Variants in SH3GL1 observed in about 807,000 individuals in gnomAD.
SH3GL1 encodes the protein endophilin-A2.
SH3GL1 carries 21 observed loss-of-function variants against 48.8 expected under a neutral mutation model. The observed-to-expected ratio is 0.43, with a 90% CI of 0.30 to 0.62. The LOEUF is 0.62. SH3GL1 is among the 20% of genes least tolerant of loss of function. The pLI, the probability that SH3GL1 is intolerant of heterozygous loss-of-function variation, is 0.11. For missense variants in SH3GL1, 454 were observed against 503.0 expected (o/e 0.90, Z 0.93); for synonymous variants, 282 against 217.5 (o/e 1.30, Z -2.61).
In SH3GL1 at chr19:4,367,318, G is replaced by T. The variant is rs185297316; in HGVS notation, c.46-324C>A. Reference sequence around the variant, plus strand: ...GGTGGAGTCCAGAGCCTCAGCCTGAGAACACATGGCTCAGAAGACACTGCT... The same window carrying T: ...GGTGGAGTCCAGAGCCTCAGCCTGATAACACATGGCTCAGAAGACACTGCT... On this transcript the variant is annotated intron_variant, in intron 1 of 9. Transcript: ENST00000269886. This position sits in a 1 kb window ranked among gnomAD's most constrained non-coding sequence, Gnocchi z 4.2. Among the ~76,000 whole-genome samples, 4 of 152,270 alleles carry T rather than the reference G, an allele frequency of 2.6e-5. No individual in the cohort carries two copies. Among genetic ancestry groups the T allele is most frequent in the African/African-American group, 9.6e-5 (4 of 41,562 alleles).
At chr19:4,372,952 T>C (rs1468622942) in intron 1 of SH3GL1, among the ~76,000 whole-genome samples, 1 of 152,236 alleles carries the variant, frequency 6.6e-6, no homozygotes, top group Non-Finnish European at 1.5e-5. Context: ...GGGGCGGCGC[T>C]GGCTGCAGGC....
intron 4 of SH3GL1, 85 bp from the exon 5 acceptor site, chr19:4,364,306 G>A: frequency 1.3e-6 from 2 of 1,552,406 alleles, no homozygotes; most frequent in Admixed American, 1.7e-5. Flanking sequence ...TTTTGAAATA[G>A]CGTTTCACAG....
At chr19:4,361,882 C>A (rs570970521) in intron 9 of SH3GL1, 86 bp from the exon 10 acceptor site, 109 of 1,004,762 alleles carry the variant, frequency 1.1e-4, no homozygotes, top group Non-Finnish European at 1.5e-4. Context: ...TGACCTGGAG[C>A]GTGTGGGTGG....
intron 4 of SH3GL1, 96 bp from the exon 5 acceptor site, chr19:4,364,317 G>A (rs1972712143): frequency 6.7e-7 from 1 of 1,496,308 alleles, no homozygotes; most frequent in Admixed American, 1.7e-5. Context: ...CGTTTCACAG[G>A]CTGGAACGCA....
At chr19:4,366,892 C>T (rs1972793102) in intron 2 of SH3GL1, 34 bp downstream of exon 2, 2 of 1,602,754 alleles carry the variant, frequency 1.2e-6, no homozygotes, top group African/African-American at 1.3e-5. Flanking sequence ...CCAGCAGTGC[C>T]ACCACCACAC....
At chr19:4,388,897 C>A (rs1411688158) in intron 1 of SH3GL1, among the ~76,000 whole-genome samples, 2 of 152,186 alleles carry the variant, frequency 1.3e-5, no homozygotes, top group Non-Finnish European at 2.9e-5. Flanking sequence ...TGGACACACA[C>A]CCTAAACCAC....
intron 4 of SH3GL1, among the ~76,000 whole-genome samples, 183 bp downstream of exon 4, chr19:4,365,299 C>T (rs1972749548): frequency 6.6e-6 from 1 of 152,138 alleles, no homozygotes; most frequent in South Asian, 2.1e-4. Context: ...GGGGCCCTAT[C>T]AGCTGCTGGC....
chr19:4,364,500 A>C (rs1174216327), intron 4 of SH3GL1: 10 of 434,534 alleles, frequency 2.3e-5, no homozygotes, highest in South Asian at 9.0e-5. Flanking sequence ...GCATGATCTC[A>C]GCTCACTGCA....
Position 4,389,375 on chromosome 19 carries a change from G to A in SH3GL1, c.45+10949C>T, listed in dbSNP as rs937874721. On this transcript the variant is annotated intron_variant, in intron 1 of 9. Transcript: ENST00000269886. This position sits in a 1 kb window ranked among gnomAD's most constrained non-coding sequence, Gnocchi z 4.5. ...GCCAAGGATAAGGGGAGATAGAAAC[G>A]CGTTCGTTATAGGGCAGACAGGAAG... 2.6e-5 allele frequency among the ~76,000 whole-genome samples: 4 copies of A among 152,130 alleles called. No homozygotes were observed. Among genetic ancestry groups the A allele is most frequent in the African/African-American group, 2.4e-5 (1 of 41,434 alleles).
At chr19:4,378,630 G>A (rs371670382) in intron 1 of SH3GL1, among the ~76,000 whole-genome samples, 3 of 152,108 alleles carry the variant, frequency 2.0e-5, no homozygotes, top group Non-Finnish European at 4.4e-5. Flanking sequence ...CAGCAGAATC[G>A]CTTGAACCCG....
chr19:4,368,989 G>A (rs1972840409), intron 1 of SH3GL1, among the ~76,000 whole-genome samples: 1 of 152,132 alleles, frequency 6.6e-6, no homozygotes, highest in Non-Finnish European at 1.5e-5. Flanking sequence ...GGAGAATGGT[G>A]TGAACCCGGG....
At chr19:4,363,919 G>A in intron 5 of SH3GL1, 41 bp from the exon 6 acceptor site, 3 of 1,611,120 alleles carry the variant, frequency 1.9e-6, no homozygotes, top group African/African-American at 2.7e-5. Context: ...GTAGCGGCCA[G>A]AGGGCCGCCC....
At chr19:4,374,063 G>A (rs980810520) in intron 1 of SH3GL1, among the ~76,000 whole-genome samples, 9 of 152,240 alleles carry the variant, frequency 5.9e-5, no homozygotes, top group Non-Finnish European at 7.3e-5. Context: ...TGTTGTGTGC[G>A]CGGCAGCGAG....
intron 1 of SH3GL1, among the ~76,000 whole-genome samples, chr19:4,379,385 C>A (rs533952946): frequency 6.6e-6 from 1 of 150,714 alleles, no homozygotes; most frequent in Non-Finnish European, 1.5e-5. Flanking sequence ...AAGATCACAC[C>A]ACTGCACTCC....
At position 4,389,377 on chromosome 19, in the gene SH3GL1, G is replaced by A. The variant is rs143766088; in HGVS notation, c.45+10947C>T. ...CAAGGATAAGGGGAGATAGAAACGC[G>A]TTCGTTATAGGGCAGACAGGAAGTG... On this transcript the variant is annotated intron_variant, in intron 1 of 9. Coordinates refer to ENST00000269886, the MANE Select transcript of SH3GL1 (RefSeq NM_003025.4). The surrounding 1 kb of genome is among the most constrained non-coding windows in gnomAD (Gnocchi z 4.5). 1.2e-3 allele frequency among the ~76,000 whole-genome samples: 185 copies of A among 152,010 alleles called. No individual in the cohort carries two copies. Among genetic ancestry groups the A allele is most frequent in the Non-Finnish European group, 2.1e-3 (146 of 67,946 alleles).
chr19:4,363,653 T>C (rs925078270), intron 6 of SH3GL1, 67 bp downstream of exon 6: 22 of 1,595,246 alleles, frequency 1.4e-5, no homozygotes, highest in Non-Finnish European at 1.8e-5. Context: ...TCCAGCTCCC[T>C]TGAGGCACCA....
rs189831858 is a variant in SH3GL1 at position 4,367,816 on chromosome 19, G to A, written c.46-822C>T. 7.4e-4 allele frequency among the ~76,000 whole-genome samples: 112 copies of A among 152,350 alleles called. 1 individual carries two copies. Among genetic ancestry groups the A allele is most frequent in the African/African-American group, 2.0e-3 (82 of 41,576 alleles). Reference sequence around the variant, plus strand: ...GGAACCACTGAACCCCAGCACCGCTGTCTGAGCACAGGCGTTGCTTTCTTC... The same window carrying A: ...GGAACCACTGAACCCCAGCACCGCTATCTGAGCACAGGCGTTGCTTTCTTC... On this transcript the variant is annotated intron_variant, in intron 1 of 9. Coordinates refer to ENST00000269886, the MANE Select transcript of SH3GL1 (RefSeq NM_003025.4). The surrounding 1 kb of genome is among the most constrained non-coding windows in gnomAD (Gnocchi z 4.2).
intron 1 of SH3GL1, among the ~76,000 whole-genome samples, chr19:4,393,379 A>G (rs565930958): frequency 9.2e-5 from 14 of 152,060 alleles, no homozygotes; most frequent in Non-Finnish European, 7.4e-5. Flanking sequence ...CAGCACTTTG[A>G]GAGAATGAGG....
intron 2 of SH3GL1, 30 bp downstream of exon 2, chr19:4,366,896 A>C: frequency 6.2e-7 from 1 of 1,607,568 alleles, no homozygotes; most frequent in Non-Finnish European, 8.5e-7. Context: ...CAGTGCCACC[A>C]CCACACAGAG....
Sources: gnomAD v4.1 joint callset for allele counts (sites outside exome capture counted in the v4.1 genomes callset) on GRCh38, gnomAD v4.1.1 for gene constraint, Gnocchi (gnomAD v3.1) non-coding constraint, MANE v1.5 for transcripts, NCBI Gene and HGNC (gene_info 2026-07-23, HGNC 2026-07-21) for gene names.